TASP1: variants seen among roughly 807,000 people sequenced by gnomAD.
The protein encoded by TASP1 is threonine aspartase 1.
A neutral mutation model predicts 56.6 loss-of-function variants in TASP1; 16 were observed. The observed-to-expected ratio is 0.28, with a 90% CI of 0.19 to 0.43. The LOEUF (loss-of-function observed/expected upper bound fraction) is 0.43, where lower values mean the gene tolerates loss of function less well. Ranked by LOEUF, TASP1 falls within the 20% of genes least tolerant of loss-of-function variation. TASP1 has a pLI of 1.00. For missense variants in TASP1, 393 were observed against 511.6 expected (o/e 0.77, Z 2.24); for synonymous variants, 179 against 184.2 (o/e 0.97, Z 0.23).
chr20:13,151,407 TTGTC>T, the TASP1 span, among the ~76,000 whole-genome samples: 1 of 152,194 alleles, frequency 6.6e-6, no homozygotes, highest in Non-Finnish European at 1.5e-5. Context: ...GCTCCATTCA[TTGTC>T]TGTGGTCAGG....
the TASP1 span, among the ~76,000 whole-genome samples, chr20:13,317,326 A>G: frequency 1.3e-5 from 2 of 152,026 alleles, no homozygotes; most frequent in Non-Finnish European, 2.9e-5. Flanking sequence ...GAGATACTCC[A>G]TGTTAGGGAG....
the TASP1 span, among the ~76,000 whole-genome samples, chr20:13,204,143 G>C: frequency 6.6e-6 from 1 of 152,144 alleles, no homozygotes; most frequent in Non-Finnish European, 1.5e-5. Flanking sequence ...TTTGAGTACT[G>C]ATTGGTTTTG....
chr20:13,414,996 C>A (rs1337572791), intron 13 of TASP1, among the ~76,000 whole-genome samples: 2 of 151,984 alleles, frequency 1.3e-5, no homozygotes, highest in African/African-American at 4.8e-5. Flanking sequence ...GTTCAAATGG[C>A]CAGGTGGCCT....
intron 10 of TASP1, among the ~76,000 whole-genome samples, chr20:13,496,426 T>A (rs982712096): frequency 6.6e-6 from 1 of 151,160 alleles, no homozygotes; most frequent in African/African-American, 2.4e-5. Context: ...GAGGCTAACA[T>A]GAAAATTGCA....
In TASP1 at chr20:13,451,551, A is replaced by AC. The variant is rs199786457; in HGVS notation, c.986-16398dup. 4.5e-3 allele frequency among the ~76,000 whole-genome samples: 688 copies of AC among 152,128 alleles called. 3 individuals are homozygous for AC. The highest frequency in any genetic ancestry group is 0.011 in the East Asian group (59 of 5,164). ...TTATGGAGGCAGCTTCTTTCCTTATACCTCATGAATGAATCTCTGCTAGAT... is the reference window on the plus strand; with the variant it reads ...TTATGGAGGCAGCTTCTTTCCTTATACCCTCATGAATGAATCTCTGCTAGAT... On this transcript the variant is annotated intron_variant, in intron 11 of 13. Transcript: ENST00000337743.
At chr20:13,638,319 A>G (rs2049385043) in intron 1 of TASP1, among the ~76,000 whole-genome samples, 1 of 152,040 alleles carries the variant, frequency 6.6e-6, no homozygotes, top group South Asian at 2.1e-4. Flanking sequence ...TCCTTCCGGA[A>G]ACACGATACC....
In TASP1 at chr20:13,393,467, G is replaced by T. The variant is rs774384330; in HGVS notation, c.1171-3015C>A. The T allele has an allele frequency of 2.9e-5, 23 of 794,052 alleles. 1 individual carries two copies. The highest frequency in any genetic ancestry group is 1.0e-4 in the African/African-American group (6 of 59,130). The allele number at this position is 794,052 out of a possible 1,614,324, so 49.2% of individuals were successfully genotyped here. ...ATATCAAGAAGGTGGTGAAGCAGGT[G>T]TCAGAGGGCCCCCTCAAGGGCATCC... On this transcript the variant is annotated intron_variant, in intron 13 of 13. Coordinates refer to ENST00000337743, the MANE Select transcript of TASP1 (RefSeq NM_017714.3).
chr20:13,619,082 C>G (rs1383592267), intron 4 of TASP1, among the ~76,000 whole-genome samples: 1 of 152,068 alleles, frequency 6.6e-6, no homozygotes, highest in East Asian at 1.9e-4. Context: ...ACCATATTGG[C>G]CAGGCTGGTC....
chr20:13,458,643 T>C (rs1032281416), intron 11 of TASP1, among the ~76,000 whole-genome samples: 2 of 152,032 alleles, frequency 1.3e-5, no homozygotes, highest in African/African-American at 4.8e-5. Context: ...TCCTGGCCCA[T>C]AGTTAAGCTT....
intron 8 of TASP1, among the ~76,000 whole-genome samples, chr20:13,539,465 C>A (rs73086013): frequency 0.36 from 54,323 of 151,564 alleles, 10,475 homozygotes; most frequent in Non-Finnish European, 0.43. Flanking sequence ...CTGGAAGATC[C>A]CCTGTGCCCA....
the TASP1 span, among the ~76,000 whole-genome samples, chr20:13,220,466 GC>G: frequency 1.3e-5 from 2 of 152,218 alleles, no homozygotes; most frequent in African/African-American, 4.8e-5. Flanking sequence ...CGCGACGCCA[GC>G]CCCCAAATCC....
rs181544889 is a variant in TASP1 at position 13,558,472 on chromosome 20, G to A, written c.675+536C>T. The stretch of plus-strand genomic sequence containing the variant: ...AATGTAGCTATTCAGAAATTAAAAT[G>A]AGTCAAGGACAAATGGAAAGCTGAA... On this transcript the variant is annotated intron_variant, in intron 8 of 13. Coordinates refer to ENST00000337743, the MANE Select transcript of TASP1 (RefSeq NM_017714.3). Among the ~76,000 whole-genome samples the A allele has an allele frequency of 5.2e-4, 79 of 152,234 alleles. 1 individual carries two copies. In the South Asian group the frequency reaches 0.011, roughly 21 times the overall value.
chr20:13,623,937 C>T (rs2048801448), intron 3 of TASP1, among the ~76,000 whole-genome samples: 1 of 152,168 alleles, frequency 6.6e-6, no homozygotes, highest in Non-Finnish European at 1.5e-5. Flanking sequence ...AGAAGTGACT[C>T]TCAGTCACAG....
the TASP1 span, among the ~76,000 whole-genome samples, chr20:13,205,146 A>T: frequency 6.6e-6 from 1 of 152,062 alleles, no homozygotes; most frequent in Non-Finnish European, 1.5e-5. Flanking sequence ...TCTCAGAATA[A>T]ATCCATGCCT....
chr20:13,317,995 A>G, the TASP1 span, among the ~76,000 whole-genome samples: 16 of 152,096 alleles, frequency 1.1e-4, no homozygotes, highest in South Asian at 8.3e-4. Flanking sequence ...CACTGTCTGC[A>G]TGAAAAAACA....
chr20:13,205,756 A>T, the TASP1 span, among the ~76,000 whole-genome samples: 2 of 152,134 alleles, frequency 1.3e-5, no homozygotes, highest in African/African-American at 4.8e-5. Flanking sequence ...GACAGTCCAT[A>T]ACACACTCTC....
At chr20:13,288,759 TG>T in the TASP1 span, 1 of 1,435,808 alleles carries the variant, frequency 7.0e-7, no homozygotes, top group East Asian at 2.3e-5. Flanking sequence ...TTAGTGACAT[TG>T]TCTTTTTAAA....
At chr20:13,138,260 C>T in the TASP1 span, among the ~76,000 whole-genome samples, 1 of 152,192 alleles carries the variant, frequency 6.6e-6, no homozygotes, top group Non-Finnish European at 1.5e-5. Context: ...ATAAATGACC[C>T]ATTCAGCATC....
At chr20:13,601,903 G>A (rs1431415771) in intron 4 of TASP1, among the ~76,000 whole-genome samples, 1 of 106,400 alleles carries the variant, frequency 9.4e-6, no homozygotes, top group Non-Finnish European at 1.7e-5. Context: ...TTGAGACAGA[G>A]TCTCGCTCAG....
Sources: gnomAD v4.1 joint callset for allele counts (sites outside exome capture counted in the v4.1 genomes callset) on GRCh38, gnomAD v4.1.1 for gene constraint, MANE v1.5 for transcripts, NCBI Gene and HGNC (gene_info 2026-07-23, HGNC 2026-07-21) for gene names.